Variants in LRBA observed in about 807,000 individuals in gnomAD.
LRBA encodes lipopolysaccharide-responsive and beige-like anchor protein.
Under a neutral mutation model 330.0 loss-of-function variants are expected in LRBA, and 176 were observed. The observed-to-expected ratio is 0.53, with a 90% CI of 0.47 to 0.60. The LOEUF is 0.60. Ranked by LOEUF, LRBA falls within the 20% of genes least tolerant of loss-of-function variation. LRBA has a pLI of 0.00. For missense variants in LRBA, 3,259 were observed against 3,444.8 expected (o/e 0.95, Z 1.35); for synonymous variants, 1,230 against 1,193.0 (o/e 1.03, Z -0.64).
intron 34 of LRBA, among the ~76,000 whole-genome samples, chr4:150,782,225 ATAACT>A (rs879662690): frequency 1.8e-4 from 27 of 152,322 alleles, no homozygotes; most frequent in Non-Finnish European, 3.4e-4. Flanking sequence ...TAAATAAATC[ATAACT>A]TAACACTGTT....
intron 47 of LRBA, among the ~76,000 whole-genome samples, chr4:150,383,304 T>C (rs1436675454): frequency 6.6e-6 from 1 of 152,186 alleles, no homozygotes; most frequent in Non-Finnish European, 1.5e-5. Context: ...TGGAGTGCAG[T>C]GGCGCAATCA....
chr4:150,702,423 G>A (rs1785205885), intron 36 of LRBA, among the ~76,000 whole-genome samples: 2 of 152,088 alleles, frequency 1.3e-5, no homozygotes, highest in Non-Finnish European at 1.5e-5. Context: ...TTCAATCATC[G>A]ACAAAAGTGA....
At chr4:150,959,158 A>T (rs990898849) in intron 2 of LRBA, among the ~76,000 whole-genome samples, 12 of 149,656 alleles carry the variant, frequency 8.0e-5, no homozygotes, top group Admixed American at 7.2e-4. Flanking sequence ...GAGAGGCCTC[A>T]TAGTCAAGGC....
At chr4:150,559,804 TTA>T (rs1298897714) in intron 40 of LRBA, among the ~76,000 whole-genome samples, 2 of 78,576 alleles carry the variant, frequency 2.5e-5, no homozygotes, top group African/African-American at 5.3e-5. Context: ...TTATAATATG[TTA>T]TATATAATAA....
chr4:150,682,624 A>C (rs1046919306), intron 37 of LRBA, among the ~76,000 whole-genome samples: 1 of 152,052 alleles, frequency 6.6e-6, no homozygotes, highest in African/African-American at 2.4e-5. Flanking sequence ...AAAAGTTAAA[A>C]TTTTTTTCTT....
intron 2 of LRBA, among the ~76,000 whole-genome samples, chr4:150,954,707 T>C (rs1413957930): frequency 2.7e-5 from 4 of 147,822 alleles, no homozygotes; most frequent in African/African-American, 7.9e-5. Flanking sequence ...CCCTCCACTA[T>C]TGTCCTATGA....
At chr4:150,866,329 T>C (rs1752684616) in intron 22 of LRBA, among the ~76,000 whole-genome samples, 1 of 152,156 alleles carries the variant, frequency 6.6e-6, no homozygotes, top group African/African-American at 2.4e-5. Flanking sequence ...AATCCACATA[T>C]TGGCAGAAGA....
rs149485478 is a variant in LRBA at position 150,561,732 on chromosome 4, T to C, written c.6330+26316A>G. Among the ~76,000 whole-genome samples, 3 of 152,286 alleles carry C rather than the reference T, an allele frequency of 2.0e-5. No homozygotes were observed. In the East Asian group the frequency reaches 5.8e-4, roughly 29 times the overall value. On this transcript the variant is annotated intron_variant, in intron 40 of 56. Transcript: ENST00000651943. ...TTCTGTGAGGCCTGCATAAAGCCAT[T>C]ACTTTTGTGGAAATTTGTTATAGCA...
At chr4:150,614,310 G>C (rs1775558756) in intron 37 of LRBA, among the ~76,000 whole-genome samples, 1 of 152,334 alleles carries the variant, frequency 6.6e-6, no homozygotes, top group South Asian at 2.1e-4. Flanking sequence ...AGAGTTTTAA[G>C]TAGGTATTAT....
rs556382411 is a variant in LRBA at position 150,757,980 on chromosome 4, G to A, written c.5645+3803C>T. On this transcript the variant is annotated intron_variant, in intron 35 of 56. Coordinates refer to ENST00000651943, the MANE Select transcript of LRBA (RefSeq NM_001364905.1). ...GCAAAGGTAAAAAATCAGAGAAAGG[G>A]TACTATGAAAATGATAACAGATGAT... Among the ~76,000 whole-genome samples, 57 of 152,192 alleles carry A rather than the reference G, an allele frequency of 3.7e-4. No individual in the cohort carries two copies. In the South Asian group the frequency reaches 1.0e-2, roughly 27 times the overall value.
rs575990014 is a variant in LRBA at position 150,561,219 on chromosome 4, A to T, written c.6330+26829T>A. Among the ~76,000 whole-genome samples, 5 of 152,272 alleles carry T rather than the reference A, an allele frequency of 3.3e-5. No homozygotes were observed. In the South Asian group the frequency reaches 1.0e-3, roughly 32 times the overall value. On this transcript the variant is annotated intron_variant, in intron 40 of 56. Transcript: ENST00000651943. ...ACAAAACTGTGTTATTCTAAAATCC[A>T]TGAAGATGAGCTATTCCAAATGAGA...
chr4:150,505,911 C>T (rs1262387839), intron 40 of LRBA, among the ~76,000 whole-genome samples: 1 of 152,148 alleles, frequency 6.6e-6, no homozygotes, highest in Admixed American at 6.5e-5. Context: ...ACCGATCCCA[C>T]AGAAATACAA....
At chr4:150,847,270 A>C (rs1749979762) in intron 26 of LRBA, among the ~76,000 whole-genome samples, 2 of 152,206 alleles carry the variant, frequency 1.3e-5, no homozygotes, top group Non-Finnish European at 2.9e-5. Flanking sequence ...AATAGTCAAT[A>C]AATGATAACT....
intron 37 of LRBA, among the ~76,000 whole-genome samples, chr4:150,642,624 T>C (rs960037820): frequency 4.0e-5 from 6 of 151,896 alleles, no homozygotes; most frequent in Non-Finnish European, 5.9e-5. Context: ...AAAATCACAA[T>C]GCAGATCAAT....
rs569145476 is a variant in LRBA at position 150,898,672 on chromosome 4, GAAGAGGATCACAA to G, written c.1925-867_1925-855del. Among the ~76,000 whole-genome samples the G allele has an allele frequency of 2.6e-5, 4 of 151,856 alleles. No homozygotes were observed. In the East Asian group the frequency reaches 7.7e-4, roughly 29 times the overall value. On this transcript the variant is annotated intron_variant, in intron 14 of 56. Coordinates refer to ENST00000651943, the MANE Select transcript of LRBA (RefSeq NM_001364905.1). ...AAAAAAAATAATAAGACTAGAGTTA[GAAGAGGATCACAA>G]AATTTGTCCAGCTCTCTCATTTGAA... is the stretch of plus-strand genomic sequence containing the variant.
In LRBA at chr4:150,583,155, C is replaced by G; in HGVS notation, c.6330+4893G>C. 1 of 1,614,206 alleles carries G rather than the reference C, an allele frequency of 6.2e-7. No individual in the cohort carries two copies. The highest frequency in any genetic ancestry group is 2.2e-5 in the East Asian group (1 of 44,874). ...TCTGTAAGGTGGTCTCGGACGTGCTCAAGGAAGTGGAGGTGCAGGAGCCTC... is the reference window on the plus strand; with the variant it reads ...TCTGTAAGGTGGTCTCGGACGTGCTGAAGGAAGTGGAGGTGCAGGAGCCTC... On this transcript the variant is annotated intron_variant, in intron 40 of 56. Coordinates refer to ENST00000651943, the MANE Select transcript of LRBA (RefSeq NM_001364905.1). This position sits in a 1 kb window ranked among gnomAD's most constrained non-coding sequence, Gnocchi z 9.8.
chr4:150,938,002 C>G (rs779910219), intron 2 of LRBA, among the ~76,000 whole-genome samples: 4 of 151,464 alleles, frequency 2.6e-5, no homozygotes, highest in Non-Finnish European at 5.9e-5. Context: ...AAGTAAAGCT[C>G]TGTTCTCCCT....
chr4:150,559,927 A>T (rs9999088), intron 40 of LRBA, among the ~76,000 whole-genome samples: 3,176 of 94,356 alleles, frequency 0.034, 79 homozygotes, highest in East Asian at 0.099. Flanking sequence ...TATAAATATA[A>T]ATATATATAT....
chr4:150,978,390 C>T (rs1391988206), intron 2 of LRBA, among the ~76,000 whole-genome samples: 1 of 152,216 alleles, frequency 6.6e-6, no homozygotes, highest in Non-Finnish European at 1.5e-5. Context: ...TAGCCAGTCC[C>T]TTCAAATACC....
Sources: allele counts gnomAD v4.1 joint callset (sites outside exome capture counted in the v4.1 genomes callset), GRCh38; gene constraint gnomAD v4.1.1; non-coding constraint Gnocchi (gnomAD v3.1); transcripts MANE v1.5; gene names NCBI Gene and HGNC (gene_info 2026-07-23, HGNC 2026-07-21).